SKI: variants seen among roughly 807,000 people sequenced by gnomAD.
The protein encoded by SKI is ski oncogene.
SKI carries 23 observed loss-of-function variants against 59.3 expected under a neutral mutation model. The observed-to-expected ratio is 0.39, with a 90% CI of 0.28 to 0.55. SKI has a LOEUF of 0.55. Among genes scored for constraint, SKI ranks in the 20% least tolerant of loss-of-function variants. The pLI is 0.67. For missense variants in SKI, 1,017 were observed against 1,038.9 expected (o/e 0.98, Z 0.29); for synonymous variants, 673 against 488.6 (o/e 1.38, Z -4.98).
chr1:2,296,350 C>T (rs563374451), intron 1 of SKI, among the ~76,000 whole-genome samples: 79 of 152,202 alleles, frequency 5.2e-4, no homozygotes, highest in South Asian at 2.7e-3. Flanking sequence ...GAGCTGAGAT[C>T]GTGCCACTAC....
intron 1 of SKI, among the ~76,000 whole-genome samples, chr1:2,277,311 C>G (rs1639764082): frequency 6.6e-6 from 1 of 152,046 alleles, no homozygotes; most frequent in African/African-American, 2.4e-5. Context: ...TGTCCCCACC[C>G]AAATCTCAAC....
intron 1 of SKI, among the ~76,000 whole-genome samples, chr1:2,230,125 G>A (rs1374997943): frequency 2.6e-5 from 4 of 152,222 alleles, no homozygotes; most frequent in Admixed American, 2.6e-4. Flanking sequence ...GATGCCTCAG[G>A]CCCAGGTCTT....
At position 2,229,842 on chromosome 1, in the gene SKI, G is replaced by GC; in HGVS notation, c.969+111dup. 2.0e-6 allele frequency: 3 copies of GC among 1,525,748 alleles called. No homozygotes were observed. Among genetic ancestry groups the GC allele is most frequent in the Non-Finnish European group, 2.7e-6 (3 of 1,130,702 alleles). 94.5% of individuals were successfully genotyped at this position (1,525,748 alleles called of 1,614,324 possible). ...AGGCTGGGACCTGTGCTTCTGCCGT[G>GC]CCCCATGTCTCCAGTCTTCGCTTTG... On this transcript the variant is annotated intron_variant, in intron 1 of 6. Transcript: ENST00000378536. This position sits in a 1 kb window ranked among gnomAD's most constrained non-coding sequence, Gnocchi z 6.3.
intron 1 of SKI, among the ~76,000 whole-genome samples, chr1:2,290,377 T>G (rs1223069963): frequency 6.6e-6 from 1 of 152,002 alleles, no homozygotes; most frequent in Non-Finnish European, 1.5e-5. Flanking sequence ...GCGGGACACT[T>G]GGGAACTGAG....
chr1:2,254,687 G>C (rs1639236077), intron 1 of SKI, among the ~76,000 whole-genome samples: 1 of 152,174 alleles, frequency 6.6e-6, no homozygotes, highest in Admixed American at 6.5e-5. Flanking sequence ...TCTTCTCTTT[G>C]TTCCTGAAGT....
chr1:2,306,644 T>A lies in SKI; in HGVS notation c.2066T>A (p.Leu689Gln), dbSNP rs1280638499. ...ADREQLRADL[L>Q]REREAREHLE... ...CGGGAGCAGCTGCGGGCCGACCTGC[T>A]GCGGGAGCGCGAGGCCCGGGAGCAC... is the stretch of plus-strand genomic sequence containing the variant. Residue 689 changes from leucine to glutamine, a missense_variant, in exon 7 of 7, where the codon CTG (leucine) becomes CAG (glutamine). Physicochemically the swap from Leu to Gln is moderately radical, Grantham distance 113 (BLOSUM62 -2). Coordinates refer to ENST00000378536, the MANE Select transcript of SKI (RefSeq NM_003036.4). The A allele has an allele frequency of 6.5e-7, 1 of 1,544,532 alleles. No homozygotes were observed. Among genetic ancestry groups the A allele is most frequent in the Admixed American group, 2.0e-5 (1 of 50,852 alleles).
Position 2,297,299 on chromosome 1 carries a change from T to C in SKI, c.970-5679T>C, listed in dbSNP as rs537218467. On this transcript the variant is annotated intron_variant, in intron 1 of 6. Transcript: ENST00000378536. The stretch of plus-strand genomic sequence containing the variant: ...CGGCTGAAGTTTGGGTTGTATCCTT[T>C]TAAGGAATAGCAGACGGGTTTTCAG... 1.4e-3 allele frequency among the ~76,000 whole-genome samples: 209 copies of C among 152,272 alleles called. 1 individual carries two copies. Among genetic ancestry groups the C allele is most frequent in the Non-Finnish European group, 2.4e-3 (164 of 68,020 alleles).
chr1:2,260,257 G>T (rs1011529939), intron 1 of SKI, among the ~76,000 whole-genome samples: 29 of 152,158 alleles, frequency 1.9e-4, no homozygotes, highest in Admixed American at 7.9e-4. Flanking sequence ...TTCCCCAATC[G>T]TTGAGAACGT....
At chr1:2,297,803 G>A (rs1042282880) in intron 1 of SKI, among the ~76,000 whole-genome samples, 1 of 152,262 alleles carries the variant, frequency 6.6e-6, no homozygotes, top group African/African-American at 2.4e-5. Context: ...GAGGAGGCGT[G>A]GGCCCGCCCG....
chr1:2,286,824 T>C (rs903251890), intron 1 of SKI, among the ~76,000 whole-genome samples: 1 of 152,220 alleles, frequency 6.6e-6, no homozygotes, highest in African/African-American at 2.4e-5. Context: ...CTGGACGCTC[T>C]TTACACGGGC....
chr1:2,242,437 C>T (rs1638900439), intron 1 of SKI, among the ~76,000 whole-genome samples: 1 of 152,180 alleles, frequency 6.6e-6, no homozygotes, highest in African/African-American at 2.4e-5. Flanking sequence ...CGGGATGTGG[C>T]CTACCGTGGC....
At position 2,230,298 on chromosome 1, in the gene SKI, A is replaced by G. The variant is rs1331566498; in HGVS notation, c.969+563A>G. 2.0e-5 allele frequency among the ~76,000 whole-genome samples: 3 copies of G among 152,076 alleles called. No homozygotes were observed. The South Asian group carries it at 6.2e-4, about 32-fold the overall frequency. ...CTGTTTGGTGCCTTGAAGTTTTGGG[A>G]CACAGACACAAAATGAAGCCAGGTG... On this transcript the variant is annotated intron_variant, in intron 1 of 6. Coordinates refer to ENST00000378536, the MANE Select transcript of SKI (RefSeq NM_003036.4).
intron 1 of SKI, among the ~76,000 whole-genome samples, chr1:2,284,499 C>T (rs1310745761): frequency 6.6e-6 from 1 of 152,200 alleles, no homozygotes; most frequent in Non-Finnish European, 1.5e-5. Context: ...AGATTTGTCC[C>T]TGTTCTGTGG....
chr1:2,275,520 C>T (rs1457640976), intron 1 of SKI, among the ~76,000 whole-genome samples: 1 of 151,952 alleles, frequency 6.6e-6, no homozygotes. Flanking sequence ...AGACGTTTAT[C>T]TGTTTTTTTT....
intron 1 of SKI, chr1:2,232,648 A>G (rs191892140): frequency 1.4e-4 from 22 of 152,430 alleles, no homozygotes; most frequent in African/African-American, 5.3e-4. Flanking sequence ...TTGGAAGACC[A>G]TGTGGGCTGC....
chr1:2,291,778 A>T (rs1342778551), intron 1 of SKI, among the ~76,000 whole-genome samples: 1 of 152,226 alleles, frequency 6.6e-6, no homozygotes, highest in Non-Finnish European at 1.5e-5. Flanking sequence ...ATTGCTACTC[A>T]GTTTCCTTAG....
intron 1 of SKI, among the ~76,000 whole-genome samples, chr1:2,296,748 G>A (rs944390506): frequency 1.3e-5 from 2 of 152,124 alleles, no homozygotes; most frequent in African/African-American, 4.8e-5. Context: ...AAGCCTTGTT[G>A]TTGTGTTTTC....
Position 2,267,453 on chromosome 1 carries a change from G to A in SKI, c.970-35525G>A, listed in dbSNP as rs1450809842. On this transcript the variant is annotated intron_variant, in intron 1 of 6. Coordinates refer to ENST00000378536, the MANE Select transcript of SKI (RefSeq NM_003036.4). The surrounding 1 kb of genome is among the most constrained non-coding windows in gnomAD (Gnocchi z 4.1). ...AGGAATGTCCCACGTCCTCTCGTGTGCTGTCGGGAGACAAACCTCTTCCTG... is the reference window on the plus strand; with the variant it reads ...AGGAATGTCCCACGTCCTCTCGTGTACTGTCGGGAGACAAACCTCTTCCTG... 6.6e-6 allele frequency among the ~76,000 whole-genome samples: 1 copy of A among 152,220 alleles called. No individual in the cohort carries two copies. The highest frequency in any genetic ancestry group is 2.4e-5 in the African/African-American group (1 of 41,468).
At chr1:2,260,377 C>G (rs1301120844) in intron 1 of SKI, among the ~76,000 whole-genome samples, 2 of 152,060 alleles carry the variant, frequency 1.3e-5, no homozygotes. Flanking sequence ...ACTGTTGACT[C>G]GTGAGATCTT....
Sources: gnomAD v4.1 joint callset for allele counts (sites outside exome capture counted in the v4.1 genomes callset) on GRCh38, gnomAD v4.1.1 for gene constraint, Gnocchi (gnomAD v3.1) non-coding constraint, MANE v1.5 for transcripts, NCBI Gene and HGNC (gene_info 2026-07-23, HGNC 2026-07-21) for gene names.